The following CTNNBIP1 variants were observed in gnomAD, a reference collection of about 807,000 sequenced individuals.
The protein encoded by CTNNBIP1 is beta-catenin-interacting protein 1.
Under a neutral mutation model 11.8 loss-of-function variants are expected in CTNNBIP1, and 7 were observed. The observed-to-expected ratio is 0.60, with a 90% CI of 0.34 to 1.12. CTNNBIP1 has a LOEUF of 1.12. Among genes scored for constraint, CTNNBIP1 ranks in the 50% most tolerant of loss-of-function variants. CTNNBIP1 has a pLI of 0.03. For missense variants in CTNNBIP1, 101 were observed against 113.4 expected, an observed-to-expected ratio of 0.89 and a Z score of 0.50; for synonymous variants, 58 against 43.9, an observed-to-expected ratio of 1.32 and a Z score of -1.26.
At chr1:9,855,611 C>T (rs1306275798) in intron 5 of CTNNBIP1, among the ~76,000 whole-genome samples, 1 of 151,410 alleles carries the variant, frequency 6.6e-6, no homozygotes, top group Non-Finnish European at 1.5e-5. Context: ...TACCTTGCAG[C>T]ATCTAAAAAA....
chr1:9,908,528 C>T (rs1246830781), intron 1 of CTNNBIP1, among the ~76,000 whole-genome samples: 4 of 151,578 alleles, frequency 2.6e-5, no homozygotes, highest in African/African-American at 4.9e-5. Flanking sequence ...GTGCCCACCA[C>T]CACGCCCAGC....
At chr1:9,904,553 T>C (rs756622894) in intron 1 of CTNNBIP1, among the ~76,000 whole-genome samples, 8 of 151,922 alleles carry the variant, frequency 5.3e-5, no homozygotes, top group Admixed American at 2.0e-4. Context: ...ATGGTCAGAG[T>C]TGCCAGTGTG....
rs1425820936 is a variant in CTNNBIP1 at position 9,871,027 on chromosome 1, C to G, written c.187+160G>C. On this transcript the variant is annotated intron_variant, in intron 5 of 5. Coordinates refer to ENST00000377263, the MANE Select transcript of CTNNBIP1 (RefSeq NM_020248.3). The surrounding 1 kb of genome is among the most constrained non-coding windows in gnomAD (Gnocchi z 5.2). ...GTGGGAGGCTCCGAAGGTTTCCTGG[C>G]TCAGCTCTGTGGGTGGAGAGAGCTG... Among the ~76,000 whole-genome samples the G allele has an allele frequency of 2.0e-5, 3 of 152,172 alleles. No individual in the cohort carries two copies. The highest frequency in any genetic ancestry group is 6.5e-5 in the Admixed American group (1 of 15,278).
At chr1:9,906,355 C>T (rs746675901) in intron 1 of CTNNBIP1, among the ~76,000 whole-genome samples, 4 of 151,952 alleles carry the variant, frequency 2.6e-5, no homozygotes, top group Admixed American at 1.3e-4. Flanking sequence ...GTCAGGAGTT[C>T]GAGACCAGCC....
intron 5 of CTNNBIP1, among the ~76,000 whole-genome samples, chr1:9,866,898 C>A (rs973095683): frequency 1.3e-5 from 2 of 151,844 alleles, no homozygotes; most frequent in South Asian, 2.1e-4. Context: ...GTCTGGGGAG[C>A]CTTAGGATGG....
At position 9,851,940 on chromosome 1, in the gene CTNNBIP1, C is replaced by A. The variant is rs1320486140; in HGVS notation, c.188-1164G>T. Among the ~76,000 whole-genome samples the A allele has an allele frequency of 1.3e-5, 2 of 152,224 alleles. No homozygotes were observed. The highest frequency in any genetic ancestry group is 2.9e-5 in the Non-Finnish European group (2 of 68,038). On this transcript the variant is annotated intron_variant, in intron 5 of 5. Transcript: ENST00000377263. This position sits in a 1 kb window ranked among gnomAD's most constrained non-coding sequence, Gnocchi z 4.8. ...CTGACCCTGTCCTGCTGCTCTCACC[C>A]CCTTTGTAAAAGGCCAGATCTTCAC...
At chr1:9,880,259 A>C (rs1275813794) in intron 2 of CTNNBIP1, among the ~76,000 whole-genome samples, 1 of 151,824 alleles carries the variant, frequency 6.6e-6, no homozygotes, top group East Asian at 1.9e-4. Context: ...TTAGTTTGCT[A>C]AGAATGATGG....
intron 5 of CTNNBIP1, among the ~76,000 whole-genome samples, chr1:9,869,692 G>A (rs1638822189): frequency 6.6e-6 from 1 of 152,114 alleles, no homozygotes; most frequent in African/African-American, 2.4e-5. Context: ...TTTTTCCCAA[G>A]AGTATTCAAC....
chr1:9,859,842 C>T (rs908657283), intron 5 of CTNNBIP1, among the ~76,000 whole-genome samples: 2 of 152,212 alleles, frequency 1.3e-5, no homozygotes, highest in African/African-American at 2.4e-5. Context: ...AGGCTGGTCC[C>T]AGGCCACATG....
At chr1:9,906,698 G>A (rs561411968) in intron 1 of CTNNBIP1, among the ~76,000 whole-genome samples, 1 of 152,362 alleles carries the variant, frequency 6.6e-6, no homozygotes, top group East Asian at 1.9e-4. Context: ...GCCCTGTCAT[G>A]TGAGCCCTGT....
intron 5 of CTNNBIP1, among the ~76,000 whole-genome samples, chr1:9,854,458 T>C (rs1169868264): frequency 6.6e-6 from 1 of 151,600 alleles, no homozygotes; most frequent in Non-Finnish European, 1.5e-5. Context: ...ACAGCTCTTA[T>C]CATATTTGTT....
Position 9,871,346 on chromosome 1 carries a change from G to GGCGGTGCCTCT in CTNNBIP1, c.97-70_97-69insAGAGGCACCGC. The GGCGGTGCCTCT allele has an allele frequency of 1.7e-6, 2 of 1,183,374 alleles. No individual in the cohort carries two copies. The highest frequency in any genetic ancestry group is 2.4e-6 in the Non-Finnish European group (2 of 819,762). The allele number at this position is 1,183,374 out of a possible 1,614,324, so 73.3% of individuals were successfully genotyped here. On this transcript the variant is annotated intron_variant, in intron 4 of 5. Coordinates refer to ENST00000377263, the MANE Select transcript of CTNNBIP1 (RefSeq NM_020248.3). This position sits in a 1 kb window ranked among gnomAD's most constrained non-coding sequence, Gnocchi z 5.2. ...TCCCTGAAAGGCACCTGCACCCCTA[G>GGCGGTGCCTCT]AGGCACCGCCTAGGCCTGCTTGGTC...
At chr1:9,887,982 C>A (rs185774313) in intron 1 of CTNNBIP1, among the ~76,000 whole-genome samples, 22 of 151,830 alleles carry the variant, frequency 1.4e-4, no homozygotes, top group African/African-American at 4.8e-4. Flanking sequence ...CACCACCACA[C>A]CCAGCTAATT....
chr1:9,875,172 T>A (rs1441230097), intron 3 of CTNNBIP1, among the ~76,000 whole-genome samples: 5 of 152,202 alleles, frequency 3.3e-5, no homozygotes, highest in African/African-American at 1.2e-4. Flanking sequence ...AGATCACTCC[T>A]GCTCTGGCTC....
chr1:9,871,393 C>G lies in CTNNBIP1; in HGVS notation c.97-116G>C, dbSNP rs1638858507. On this transcript the variant is annotated intron_variant, in intron 4 of 5. Transcript: ENST00000377263. The surrounding 1 kb of genome is among the most constrained non-coding windows in gnomAD (Gnocchi z 5.2). ...GGTCCCTGCTTGGTCCCTGCTCGGG[C>G]TTCTGTTTCTGAGATTTGACCCCTT... The G allele has an allele frequency of 1.3e-6, 1 of 766,354 alleles. No individual in the cohort carries two copies. The highest frequency in any genetic ancestry group is 1.7e-5 in the African/African-American group (1 of 57,480). 47.5% of individuals were successfully genotyped at this position (766,354 alleles called of 1,614,324 possible).
At chr1:9,884,808 G>A (rs759868149) in intron 1 of CTNNBIP1, among the ~76,000 whole-genome samples, 2 of 152,090 alleles carry the variant, frequency 1.3e-5, no homozygotes, top group Non-Finnish European at 2.9e-5. Flanking sequence ...GGTGGGCAGC[G>A]GGCCCTTCCT....
intron 1 of CTNNBIP1, among the ~76,000 whole-genome samples, chr1:9,889,300 A>G (rs1639248735): frequency 6.6e-6 from 1 of 152,198 alleles, no homozygotes; most frequent in Non-Finnish European, 1.5e-5. Flanking sequence ...GCCCCACGGC[A>G]GAAATGTGGC....
intron 5 of CTNNBIP1, among the ~76,000 whole-genome samples, chr1:9,864,655 G>C (rs1638707788): frequency 6.6e-6 from 1 of 152,190 alleles, no homozygotes; most frequent in South Asian, 2.1e-4. Flanking sequence ...GAGGCACTGT[G>C]GGAGGATGAC....
At chr1:9,909,863 T>C (rs568804645) in intron 1 of CTNNBIP1, among the ~76,000 whole-genome samples, 9 of 151,208 alleles carry the variant, frequency 6.0e-5, no homozygotes, top group Admixed American at 1.3e-4. Context: ...CGGACACCTG[T>C]GGAGGCGACC....
Sources: gnomAD v4.1 joint callset for allele counts (sites outside exome capture counted in the v4.1 genomes callset) on GRCh38, gnomAD v4.1.1 for gene constraint, Gnocchi (gnomAD v3.1) non-coding constraint, MANE v1.5 for transcripts, NCBI Gene and HGNC (gene_info 2026-07-23, HGNC 2026-07-21) for gene names.